The following MTCH1 variants were observed in gnomAD, a reference collection of about 807,000 sequenced individuals.
MTCH1 encodes mitochondrial carrier homolog 1.
In MTCH1, 23 loss-of-function variants were observed where a neutral mutation model predicts 49.3. The observed-to-expected ratio is 0.47, with a 90% CI of 0.34 to 0.66. MTCH1 has a LOEUF of 0.66. Among genes scored for constraint, MTCH1 ranks in the 30% least tolerant of loss-of-function variants. The probability of loss-of-function intolerance (pLI) is 0.01; values close to 1 mark genes in which losing one functional copy is unlikely to be tolerated. For synonymous variants in MTCH1, 229 were observed against 215.2 expected, an observed-to-expected ratio of 1.06 and a Z score of -0.56; for missense variants, 397 against 532.1, an observed-to-expected ratio of 0.75 and a Z score of 2.50.
At chr6:36,984,645 C>G (rs1583270452) in intron 1 of MTCH1, among the ~76,000 whole-genome samples, 2 of 151,992 alleles carry the variant, frequency 1.3e-5, no homozygotes, top group East Asian at 3.9e-4. Flanking sequence ...CCTAATGACC[C>G]CCATCAAAAC....
At chr6:36,980,123 G>C (rs1214775429) in intron 2 of MTCH1, among the ~76,000 whole-genome samples, 1 of 152,212 alleles carries the variant, frequency 6.6e-6, no homozygotes, top group Admixed American at 6.5e-5. Context: ...TCTGACTCCA[G>C]AGTAGGCCTG....
In MTCH1 at chr6:36,985,896, G is replaced by A; in HGVS notation, c.278C>T (p.Thr93Met). ...ALFVALGAGV[T>M]ALSHPLLYVK... Reference sequence around the variant, plus strand: ...GTAGAGCAGGGGATGGCTGAGCGCCGTCACGCCCGCGCCCAGTGCCACGAA... The same window carrying A: ...GTAGAGCAGGGGATGGCTGAGCGCCATCACGCCCGCGCCCAGTGCCACGAA... The change falls in exon 1 of 12, where the codon ACG (threonine) becomes ATG (methionine). Residue 93 changes from threonine (T) to methionine (M), a missense_variant. Thr to Met is a moderately conservative substitution (Grantham distance 81). Coordinates refer to ENST00000373627, the MANE Select transcript of MTCH1 (RefSeq NM_001271641.2). 6.4e-7 allele frequency: 1 copy of A among 1,559,038 alleles called. No homozygotes were observed. Among genetic ancestry groups the A allele is most frequent in the Admixed American group, 1.9e-5 (1 of 51,876 alleles).
At position 36,978,540 on chromosome 6, in the gene MTCH1, C is replaced by T; in HGVS notation, c.478G>A (p.Ala160Thr). The T allele has an allele frequency of 1.2e-6, 2 of 1,614,126 alleles. No homozygotes were observed. Among genetic ancestry groups the T allele is most frequent in the Non-Finnish European group, 1.7e-6 (2 of 1,180,004 alleles). ...RGLSPRLMSNALSTVTRGSMK... is the reference protein window; with the variant it reads ...RGLSPRLMSNTLSTVTRGSMK... ...CTACCCCGAGTCACAGTAGAGAGGG[C>T]GTTGGACATCAGCCGGGGACTCAGG... is the stretch of plus-strand genomic sequence containing the variant. The change falls in exon 3 of 12, where the codon GCC becomes ACC. Residue 160 changes from alanine (A) to threonine (T), a missense_variant. Transcript: ENST00000373627.
intron 1 of MTCH1, among the ~76,000 whole-genome samples, chr6:36,983,799 C>T (rs1231861320): frequency 2.6e-5 from 4 of 152,194 alleles, no homozygotes; most frequent in African/African-American, 9.7e-5. Flanking sequence ...CTGACACCCC[C>T]ACTCCCAGTA....
rs1182867565 is a variant in MTCH1, at chr6:36,969,565, C to T, written c.1098+474G>A. On this transcript the variant is annotated intron_variant, in intron 11 of 11. Coordinates refer to ENST00000373627, the MANE Select transcript of MTCH1 (RefSeq NM_001271641.2). ...AAGGTTGGTACTGCTGCCAGTTCCCCACGTGGCCCAGCCCCACCCACAGGC... is the reference window on the plus strand; with the variant it reads ...AAGGTTGGTACTGCTGCCAGTTCCCTACGTGGCCCAGCCCCACCCACAGGC... 4.3e-6 allele frequency: 5 copies of T among 1,152,936 alleles called. No homozygotes were observed. The East Asian group carries it at 2.6e-4, about 59-fold the overall frequency. 71.4% of individuals were successfully genotyped at this position (1,152,936 alleles called of 1,614,324 possible). A position where few individuals can be genotyped will look rare whatever the true frequency, so the allele number is the denominator to read the frequency against.
Position 36,970,252 on chromosome 6 carries a change from T to C in MTCH1, c.1023-138A>G. 8 of 1,415,466 alleles carry C rather than the reference T, an allele frequency of 5.7e-6. No individual in the cohort carries two copies. In the South Asian group the frequency reaches 7.5e-5, roughly 13 times the overall value. The allele number at this position is 1,415,466 out of a possible 1,614,324, so 87.7% of individuals were successfully genotyped here. ...TGACACCACAGTTTACCCCAGGGGG[T>C]GCTGGGAAATCCCAGCGGAAGCCAG... On this transcript the variant is annotated intron_variant, in intron 10 of 11. Coordinates refer to ENST00000373627, the MANE Select transcript of MTCH1 (RefSeq NM_001271641.2).
chr6:36,970,511 C>G (rs1308580469), intron 9 of MTCH1, 38 bp from the exon 10 acceptor site: 1 of 1,612,452 alleles, frequency 6.2e-7, no homozygotes, highest in Non-Finnish European at 8.5e-7. Flanking sequence ...GTGACCCACC[C>G]CGGCCCAGGG....
intron 2 of MTCH1, among the ~76,000 whole-genome samples, chr6:36,980,396 G>T (rs1407016696): frequency 6.6e-6 from 1 of 152,244 alleles, no homozygotes; most frequent in East Asian, 1.9e-4. Flanking sequence ...GCAGCCATCT[G>T]CCCCGGCTGC....
At chr6:36,975,396 TG>T in intron 7 of MTCH1, among the ~76,000 whole-genome samples, 1 of 152,304 alleles carries the variant, frequency 6.6e-6, no homozygotes, top group South Asian at 2.1e-4. Flanking sequence ...CCACCACAAC[TG>T]GATGAGGCCC....
Position 36,977,380 on chromosome 6 carries a change from G to T in MTCH1, c.650-130C>A. ...CTATTCAGAGAGCAGGAGAGGAAGAGGGCCTTTCGGATTCCCTGTTACACC... is the reference window on the plus strand; with the variant it reads ...CTATTCAGAGAGCAGGAGAGGAAGATGGCCTTTCGGATTCCCTGTTACACC... On this transcript the variant is annotated intron_variant, in intron 5 of 11. Coordinates refer to ENST00000373627, the MANE Select transcript of MTCH1 (RefSeq NM_001271641.2). This position sits in a 1 kb window ranked among gnomAD's most constrained non-coding sequence, Gnocchi z 5.4. 1.1e-6 allele frequency: 1 copy of T among 940,164 alleles called. No individual in the cohort carries two copies. Among genetic ancestry groups the T allele is most frequent in the East Asian group, 2.5e-5 (1 of 39,286 alleles). The allele number at this position is 940,164 out of a possible 1,614,324, so 58.2% of individuals were successfully genotyped here.
At chr6:36,983,055 T>C (rs547088194) in intron 1 of MTCH1, among the ~76,000 whole-genome samples, 1 of 152,386 alleles carries the variant, frequency 6.6e-6, no homozygotes, top group South Asian at 2.1e-4. Flanking sequence ...CCCTTTTGCC[T>C]TTATCAAGCA....
rs551497213 is a variant in MTCH1 at position 36,968,734 on chromosome 6, C to T, written c.*169G>A. On this transcript the variant is annotated 3_prime_UTR_variant, in exon 12 of 12. Transcript: ENST00000373627. ...AATCCACTGGGTGCAGCCCCACCCC[C>T]GCTCAACCCCACATCTGGACAGACA... The T allele has an allele frequency of 1.9e-5, 21 of 1,120,308 alleles. No homozygotes were observed. The highest frequency in any genetic ancestry group is 5.5e-5 in the East Asian group (2 of 36,542). The allele number at this position is 1,120,308 out of a possible 1,614,324, so 69.4% of individuals were successfully genotyped here. A position where few individuals can be genotyped will look rare whatever the true frequency, so the allele number is the denominator to read the frequency against.
In MTCH1 at chr6:36,968,881, C is replaced by T. The variant is rs773313267; in HGVS notation, c.*22G>A. The T allele has an allele frequency of 8.7e-6, 14 of 1,613,766 alleles. No individual in the cohort carries two copies. The highest frequency in any genetic ancestry group is 1.7e-4 in the Middle Eastern group (1 of 6,058). ...TCACCCACGGTGGCCAGGTTGAGAC[C>T]GTGTTTTTTAGATGATTCAGGTTAC... On this transcript the variant is annotated 3_prime_UTR_variant, in exon 12 of 12. Coordinates refer to ENST00000373627, the MANE Select transcript of MTCH1 (RefSeq NM_001271641.2).
At chr6:36,976,703 T>C (rs9296204) in intron 6 of MTCH1, 64,265 of 411,408 alleles carry the variant, frequency 0.16, 5,608 homozygotes, top group African/African-American at 0.24. Flanking sequence ...TGTCAACACA[T>C]ATGCCCCTGG....
chr6:36,983,364 G>A (rs929051750), intron 1 of MTCH1, among the ~76,000 whole-genome samples: 4 of 152,090 alleles, frequency 2.6e-5, no homozygotes, highest in Non-Finnish European at 2.9e-5. Flanking sequence ...ACTCCAAATC[G>A]CCACAACTGC....
chr6:36,975,061 G>C (rs963714955), intron 7 of MTCH1, among the ~76,000 whole-genome samples: 52 of 152,206 alleles, frequency 3.4e-4, no homozygotes, highest in African/African-American at 1.3e-3. Context: ...GGGTGTCTGC[G>C]GCCCTCGGAG....
At position 36,968,930 on chromosome 6, in the gene MTCH1, T is replaced by C. The variant is rs1396743870; in HGVS notation, c.1143A>G (p.Ser381=). 6.2e-7 allele frequency: 1 copy of C among 1,614,094 alleles called. No individual in the cohort carries two copies. The highest frequency in any genetic ancestry group is 1.7e-5 in the Admixed American group (1 of 60,022). The change falls in exon 12 of 12, where the codon TCA becomes TCG. Residue 381 remains serine, a synonymous_variant. Coordinates refer to ENST00000373627, the MANE Select transcript of MTCH1 (RefSeq NM_001271641.2). ...RGSSLLFRRV[S]SGSCFALE The stretch of plus-strand genomic sequence containing the variant: ...ACTCCAGGGCAAAGCATGATCCTGA[T>C]GACACCCGGCGGAAAAGCAGGCTGG...
chr6:36,981,962 C>A (rs1278495128), intron 1 of MTCH1, among the ~76,000 whole-genome samples: 1 of 152,220 alleles, frequency 6.6e-6, no homozygotes, highest in African/African-American at 2.4e-5. Context: ...CCCAAATATT[C>A]CCAGTAGAGA....
At position 36,970,400 on chromosome 6, in the gene MTCH1, A is replaced by C. The variant is rs1583247625; in HGVS notation, c.1022+6T>G. The C allele has an allele frequency of 6.2e-7, 1 of 1,613,996 alleles. No homozygotes were observed. Among genetic ancestry groups the C allele is most frequent in the Non-Finnish European group, 8.5e-7 (1 of 1,179,998 alleles). ...TAGAGTGGCAAGTAGAGGGGCGCACACCTACCCGCAGTTGTTCACAGCCAT... is the reference window on the plus strand; with the variant it reads ...TAGAGTGGCAAGTAGAGGGGCGCACCCCTACCCGCAGTTGTTCACAGCCAT... On this transcript the variant is annotated splice_donor_region_variant and intron_variant, in intron 10 of 11. Transcript: ENST00000373627.
Sources: gnomAD v4.1 joint callset for allele counts (sites outside exome capture counted in the v4.1 genomes callset) on GRCh38, gnomAD v4.1.1 for gene constraint, Gnocchi (gnomAD v3.1) non-coding constraint, MANE v1.5 for transcripts, NCBI Gene and HGNC (gene_info 2026-07-23, HGNC 2026-07-21) for gene names.